FGF12: variants seen among roughly 807,000 people sequenced by gnomAD.
FGF12 encodes the protein fibroblast growth factor 12B.
FGF12 carries 14 observed loss-of-function variants against 23.6 expected under a neutral mutation model. The observed-to-expected ratio is 0.59, with a 90% CI of 0.39 to 0.93. FGF12 has a LOEUF of 0.93. Ranked by LOEUF, FGF12 falls within the 40% of genes least tolerant of loss-of-function variation. The probability of loss-of-function intolerance (pLI) is 0.00; values close to 1 mark genes in which losing one functional copy is unlikely to be tolerated. For synonymous variants in FGF12, 62 were observed against 77.3 expected (o/e 0.80, Z 1.04); for missense variants, 175 against 217.8 (o/e 0.80, Z 1.24).
At chr3:192,244,607 C>A (rs1398224459) in intron 4 of FGF12, among the ~76,000 whole-genome samples, 1 of 152,020 alleles carries the variant, frequency 6.6e-6, no homozygotes, top group Non-Finnish European at 1.5e-5. Flanking sequence ...TGAGATTGTT[C>A]AATTTATCTT....
At chr3:192,512,153 T>C (rs1320419641) in intron 2 of FGF12, among the ~76,000 whole-genome samples, 4 of 152,160 alleles carry the variant, frequency 2.6e-5, no homozygotes, top group Non-Finnish European at 5.9e-5. Flanking sequence ...TTGTTATACA[T>C]GCTTACATTG....
At chr3:192,251,617 A>AAATT (rs150315358) in intron 4 of FGF12, among the ~76,000 whole-genome samples, 4,672 of 152,292 alleles carry the variant, frequency 0.031, 95 homozygotes, top group Non-Finnish European at 0.047. Flanking sequence ...ATGGGTAAAG[A>AAATT]AATTGTATTA....
chr3:192,665,594 G>A (rs1847695), intron 2 of FGF12, among the ~76,000 whole-genome samples: 67,861 of 142,664 alleles, frequency 0.48, 16,265 homozygotes, highest in East Asian at 0.51. Context: ...CGTCACACAC[G>A]GGGGCCTTTT....
intron 2 of FGF12, among the ~76,000 whole-genome samples, chr3:192,593,431 A>G (rs2701595): frequency 0.23 from 34,835 of 151,688 alleles, 5,129 homozygotes; most frequent in East Asian, 0.34. Flanking sequence ...CTGACATACT[A>G]TTTGTTTATT....
At chr3:192,539,806 T>C (rs1725320771) in intron 2 of FGF12, among the ~76,000 whole-genome samples, 1 of 152,144 alleles carries the variant, frequency 6.6e-6, no homozygotes, top group Non-Finnish European at 1.5e-5. Flanking sequence ...GGTGACTTAC[T>C]ACTGCTTTGA....
chr3:192,494,628 C>A (rs541039370), intron 2 of FGF12, among the ~76,000 whole-genome samples: 6 of 152,262 alleles, frequency 3.9e-5, no homozygotes, highest in Non-Finnish European at 5.9e-5. Context: ...CAGATATAAT[C>A]TCCTCCTTCC....
At chr3:192,254,015 T>C (rs1238310874) in intron 4 of FGF12, among the ~76,000 whole-genome samples, 3 of 152,020 alleles carry the variant, frequency 2.0e-5, no homozygotes, top group Non-Finnish European at 4.4e-5. Flanking sequence ...GTATCTCACA[T>C]ACTTATTTTT....
intron 2 of FGF12, among the ~76,000 whole-genome samples, chr3:192,664,487 G>A (rs142479594): frequency 1.3e-5 from 2 of 151,850 alleles, no homozygotes; most frequent in Non-Finnish European, 1.5e-5. Flanking sequence ...GGTGGCTCAC[G>A]CCTGTAATCC....
chr3:192,713,506 T>C (rs998832780), intron 2 of FGF12, among the ~76,000 whole-genome samples: 1 of 152,144 alleles, frequency 6.6e-6, no homozygotes, highest in Admixed American at 6.5e-5. Flanking sequence ...GAGAGATTGT[T>C]TTTATACTGC....
chr3:192,236,198 C>T (rs896704279), intron 4 of FGF12, among the ~76,000 whole-genome samples: 4 of 151,370 alleles, frequency 2.6e-5, no homozygotes, highest in Admixed American at 2.6e-4. Context: ...GATTTCTATT[C>T]TTATTTTGCT....
chr3:192,403,623 C>A (rs2108772702), intron 2 of FGF12, among the ~76,000 whole-genome samples: 1 of 151,296 alleles, frequency 6.6e-6, no homozygotes, highest in African/African-American at 2.4e-5. Context: ...ATGAGTCATA[C>A]TTTCAAAAGA....
intron 4 of FGF12, among the ~76,000 whole-genome samples, chr3:192,275,773 G>A (rs1713745974): frequency 6.6e-6 from 1 of 152,102 alleles, no homozygotes. Context: ...TGAATGTCAA[G>A]CCACGGAATT....
chr3:192,631,374 C>T (rs1715386930), intron 2 of FGF12, among the ~76,000 whole-genome samples: 1 of 152,212 alleles, frequency 6.6e-6, no homozygotes, highest in African/African-American at 2.4e-5. Flanking sequence ...AACGTAATGT[C>T]ACTTCATCCA....
chr3:192,539,748 G>A (rs1213776038), intron 2 of FGF12, among the ~76,000 whole-genome samples: 1 of 151,884 alleles, frequency 6.6e-6, no homozygotes, highest in Non-Finnish European at 1.5e-5. Context: ...TTAAATGTTT[G>A]GTAAAATTCA....
chr3:192,727,148 G>C, intron 2 of FGF12, 33 bp downstream of exon 2: 1 of 1,569,186 alleles, frequency 6.4e-7, no homozygotes, highest in Middle Eastern at 1.7e-4. Flanking sequence ...CGCACATGCA[G>C]CGGGAAGTCC....
chr3:192,599,511 C>T (rs1714019655), intron 2 of FGF12, among the ~76,000 whole-genome samples: 1 of 151,960 alleles, frequency 6.6e-6, no homozygotes, highest in Admixed American at 6.6e-5. Context: ...TACCACAGTG[C>T]CTGGCATCTA....
chr3:192,403,834 C>T (rs1720857100), intron 2 of FGF12, among the ~76,000 whole-genome samples: 1 of 152,010 alleles, frequency 6.6e-6, no homozygotes, highest in Non-Finnish European at 1.5e-5. Flanking sequence ...TTTTCTTCCT[C>T]TATGCAAAAG....
At position 192,204,013 on chromosome 3, in the gene FGF12, C is replaced by T. The variant is rs367939747; in HGVS notation, c.229-33357G>A. On this transcript the variant is annotated intron_variant, in intron 4 of 5. Coordinates refer to ENST00000445105, the MANE Select transcript of FGF12 (RefSeq NM_004113.6). ...GGTTCATTGGCCAAAAAGAATTTGT[C>T]GTTAAAAAAAAAGCAAATCTGTCCG... is the stretch of plus-strand genomic sequence containing the variant. 3.3e-5 allele frequency among the ~76,000 whole-genome samples: 5 copies of T among 151,782 alleles called. 1 individual carries two copies. Among genetic ancestry groups the T allele is most frequent in the South Asian group, 4.2e-4 (2 of 4,792 alleles).
intron 5 of FGF12, 54 bp from the exon 6 acceptor site, chr3:192,144,181 A>T: frequency 1.0e-6 from 1 of 997,248 alleles, no homozygotes; most frequent in Non-Finnish European, 1.5e-6. Context: ...AATTTCCTTC[A>T]ATAAGCTTTT....
Sources: gnomAD v4.1 joint callset for allele counts (sites outside exome capture counted in the v4.1 genomes callset) on GRCh38, gnomAD v4.1.1 for gene constraint, MANE v1.5 for transcripts, NCBI Gene and HGNC (gene_info 2026-07-23, HGNC 2026-07-21) for gene names.